Variants in AGBL4 observed in about 807,000 individuals in gnomAD.
AGBL4 encodes the protein AGBL carboxypeptidase 4, also known as cytosolic carboxypeptidase 6.
A neutral mutation model predicts 66.4 loss-of-function variants in AGBL4; 58 were observed. The observed-to-expected ratio is 0.87, with a 90% CI of 0.71 to 1.09. AGBL4 has a LOEUF of 1.09. AGBL4 is among the 50% of genes least tolerant of loss of function. The pLI is 0.00. For missense variants in AGBL4, 579 were observed against 631.0 expected (o/e 0.92, Z 0.88); for synonymous variants, 234 against 222.9 (o/e 1.05, Z -0.44).
At chr1:49,920,035 T>C (rs1652037355) in intron 1 of AGBL4, among the ~76,000 whole-genome samples, 2 of 152,130 alleles carry the variant, frequency 1.3e-5, no homozygotes, top group African/African-American at 4.8e-5. Flanking sequence ...TGGCTAGCCA[T>C]ATGTAGAAAG....
chr1:49,488,318 T>A (rs1647112104), intron 3 of AGBL4, among the ~76,000 whole-genome samples: 1 of 151,648 alleles, frequency 6.6e-6, no homozygotes, highest in Non-Finnish European at 1.5e-5. Context: ...GTATGACTTT[T>A]GTATATTAAT....
chr1:49,477,343 C>T (rs1646866887), intron 3 of AGBL4, among the ~76,000 whole-genome samples: 2 of 152,024 alleles, frequency 1.3e-5, no homozygotes, highest in African/African-American at 2.4e-5. Context: ...GTCACCAGAA[C>T]CCTAGATCCA....
At chr1:49,183,505 A>G (rs928131470) in intron 4 of AGBL4, among the ~76,000 whole-genome samples, 4 of 152,044 alleles carry the variant, frequency 2.6e-5, no homozygotes, top group Non-Finnish European at 5.9e-5. Flanking sequence ...ATCACAACCC[A>G]TAGTCACAAA....
intron 6 of AGBL4, among the ~76,000 whole-genome samples, chr1:48,842,964 A>T (rs552315332): frequency 1.3e-5 from 2 of 152,194 alleles, no homozygotes; most frequent in Non-Finnish European, 2.9e-5. Context: ...AGATATTTAC[A>T]GTAGTCAAAT....
At chr1:48,937,508 G>T (rs957084983) in intron 5 of AGBL4, among the ~76,000 whole-genome samples, 15 of 152,096 alleles carry the variant, frequency 9.9e-5, no homozygotes, top group Non-Finnish European at 2.9e-5. Context: ...CTGATTATGG[G>T]TTTCAAGTAT....
rs552573079 is a variant in AGBL4 at position 49,279,425 on chromosome 1, G to A, written c.283-33561C>T. On this transcript the variant is annotated intron_variant, in intron 3 of 13. Coordinates refer to ENST00000371839, the MANE Select transcript of AGBL4 (RefSeq NM_032785.4). ...GAAAAAGGTTGACTTGTACTAAAAA[G>A]CAGTGTTTGCTTTATTGAACACCTT... 5.9e-5 allele frequency among the ~76,000 whole-genome samples: 9 copies of A among 152,250 alleles called. No individual in the cohort carries two copies. In the East Asian group the frequency reaches 1.5e-3, roughly 26 times the overall value.
Position 48,952,674 on chromosome 1 carries a change from A to G in AGBL4, c.595-85444T>C, listed in dbSNP as rs112856782. Reference sequence around the variant, plus strand: ...AGGAAGAAGGAACAATGAGGCAGAGAGCTCCAAGGCAGAGAAGTGTAATGT... The same window carrying G: ...AGGAAGAAGGAACAATGAGGCAGAGGGCTCCAAGGCAGAGAAGTGTAATGT... On this transcript the variant is annotated intron_variant, in intron 5 of 13. Transcript: ENST00000371839. Among the ~76,000 whole-genome samples, 335 of 152,270 alleles carry G rather than the reference A, an allele frequency of 2.2e-3. 5 individuals are homozygous for G. The highest frequency in any genetic ancestry group is 7.0e-3 in the African/African-American group (290 of 41,554).
chr1:48,786,069 G>C (rs1645400926), intron 6 of AGBL4, among the ~76,000 whole-genome samples: 1 of 151,524 alleles, frequency 6.6e-6, no homozygotes, highest in South Asian at 2.1e-4. Context: ...GCATAAAGGA[G>C]AACATTCGTT....
chr1:49,915,170 C>G (rs1030548450), intron 1 of AGBL4, among the ~76,000 whole-genome samples: 1 of 152,126 alleles, frequency 6.6e-6, no homozygotes, highest in Non-Finnish European at 1.5e-5. Flanking sequence ...ACGCAGAAGA[C>G]AGGTGATTTC....
At chr1:49,610,878 G>A (rs1442513360) in intron 3 of AGBL4, among the ~76,000 whole-genome samples, 1 of 151,896 alleles carries the variant, frequency 6.6e-6, no homozygotes, top group Non-Finnish European at 1.5e-5. Flanking sequence ...TATCACTCGG[G>A]GTCTGGCTGG....
chr1:48,774,917 C>G (rs964445588), intron 6 of AGBL4, among the ~76,000 whole-genome samples: 4 of 152,220 alleles, frequency 2.6e-5, no homozygotes, highest in Non-Finnish European at 5.9e-5. Flanking sequence ...CTTCTACTCT[C>G]CTAGGACCCT....
chr1:49,888,069 T>C (rs981037258), intron 1 of AGBL4, among the ~76,000 whole-genome samples: 2 of 152,168 alleles, frequency 1.3e-5, no homozygotes, highest in Admixed American at 1.3e-4. Context: ...TAAGCATAGA[T>C]GTCAGACTCC....
At chr1:49,770,077 C>T (rs1226266968) in intron 2 of AGBL4, among the ~76,000 whole-genome samples, 3 of 152,098 alleles carry the variant, frequency 2.0e-5, no homozygotes, top group Non-Finnish European at 4.4e-5. Flanking sequence ...CGGTGACTCA[C>T]GCCTGTAATC....
At chr1:49,160,130 G>T (rs1302927914) in intron 4 of AGBL4, among the ~76,000 whole-genome samples, 2 of 152,140 alleles carry the variant, frequency 1.3e-5, no homozygotes, top group East Asian at 3.9e-4. Context: ...TGATACTTTG[G>T]AGGAGAAGAG....
chr1:48,970,635 G>GT (rs1658827103), intron 5 of AGBL4, among the ~76,000 whole-genome samples: 1 of 152,072 alleles, frequency 6.6e-6, no homozygotes, highest in African/African-American at 2.4e-5. Flanking sequence ...AATCTGAAAG[G>GT]TTTCAGAAAA....
At chr1:48,582,531 GT>G (rs1644754798) in intron 11 of AGBL4, among the ~76,000 whole-genome samples, 1 of 152,194 alleles carries the variant, frequency 6.6e-6, no homozygotes, top group Non-Finnish European at 1.5e-5. Context: ...CTAGTTGCTA[GT>G]TCCAAAGCCA....
At chr1:48,804,654 A>T (rs1645882535) in intron 6 of AGBL4, among the ~76,000 whole-genome samples, 1 of 152,122 alleles carries the variant, frequency 6.6e-6, no homozygotes, top group South Asian at 2.1e-4. Flanking sequence ...TGGGCTATTG[A>T]GCTGGGGAAT....
intron 1 of AGBL4, among the ~76,000 whole-genome samples, chr1:49,991,019 T>A (rs1182464253): frequency 6.6e-6 from 1 of 152,130 alleles, no homozygotes; most frequent in Non-Finnish European, 1.5e-5. Context: ...ACTAACAGCA[T>A]AGCACATGTG....
intron 6 of AGBL4, among the ~76,000 whole-genome samples, chr1:48,730,434 A>G (rs933237041): frequency 6.6e-6 from 1 of 152,178 alleles, no homozygotes; most frequent in African/African-American, 2.4e-5. Context: ...AGAATCTAAG[A>G]AGATTCCCCC....
Sources: gnomAD v4.1 joint callset for allele counts (sites outside exome capture counted in the v4.1 genomes callset) on GRCh38, gnomAD v4.1.1 for gene constraint, MANE v1.5 for transcripts, NCBI Gene and HGNC (gene_info 2026-07-23, HGNC 2026-07-21) for gene names.